The following SNX30 variants were observed in gnomAD, a reference collection of about 807,000 sequenced individuals.
SNX30 encodes the protein sorting nexin family member 30, also known as sorting nexin-30.
Under a neutral mutation model 46.4 loss-of-function variants are expected in SNX30, and 24 were observed. The observed-to-expected ratio is 0.52, with a 90% confidence interval of 0.37 to 0.73. The LOEUF is 0.73. Among genes scored for constraint, SNX30 ranks in the 30% least tolerant of loss-of-function variants. The pLI is 0.00. For synonymous variants in SNX30, 189 were observed against 211.5 expected (o/e 0.89, Z 0.92); for missense variants, 533 against 555.7 (o/e 0.96, Z 0.41).
At chr9:112,792,334 A>G (rs1453059401) in intron 1 of SNX30, among the ~76,000 whole-genome samples, 1 of 152,226 alleles carries the variant, frequency 6.6e-6, no homozygotes, top group East Asian at 1.9e-4. Context: ...ATTTGTTGGC[A>G]TAGTTATTCA....
At position 112,868,792 on chromosome 9, in the gene SNX30, G is replaced by A. The variant is rs745800308; in HGVS notation, c.1263G>A (p.Met421Ile). The A allele has an allele frequency of 1.3e-5, 21 of 1,613,918 alleles. No homozygotes were observed. The highest frequency in any genetic ancestry group is 1.5e-5 in the Non-Finnish European group (18 of 1,179,930). ...KNIQYYEKCLMAWESIIPLLQ... is the reference protein window; with the variant it reads ...KNIQYYEKCLIAWESIIPLLQ... ...GTATGTTGTCGTTCCAGTGCCTCAT[G>A]GCGTGGGAGTCGATTATTCCACTAC... is the stretch of plus-strand genomic sequence containing the variant. Residue 421 changes from methionine to isoleucine, a missense_variant, in exon 9 of 9, where the codon ATG becomes ATA. Physicochemically the swap from Met to Ile is conservative, Grantham distance 10. Transcript: ENST00000374232.
At chr9:112,885,586 A>G (rs1449447688), downstream of SNX30, 2 of 152,188 alleles carry the variant, frequency 1.3e-5, no homozygotes, top group African/African-American at 4.8e-5. Flanking sequence ...CATGTGGGTT[A>G]CTGAATACTT....
At chr9:112,774,617 T>C (rs1287787733) in intron 1 of SNX30, among the ~76,000 whole-genome samples, 3 of 152,152 alleles carry the variant, frequency 2.0e-5, no homozygotes, top group East Asian at 3.9e-4. Context: ...TTGTCAAGAC[T>C]TGGTATTGTC....
In SNX30 at chr9:112,751,123, C is replaced by A; in HGVS notation, c.122C>A (p.Pro41Gln). ...EAVGGDSTPS[P>Q]DLLMARSFGD... ...GTGGGTGGTGACAGCACGCCCAGCCCGGACCTGCTGATGGCCCGCAGCTTC... is the reference window on the plus strand; with the variant it reads ...GTGGGTGGTGACAGCACGCCCAGCCAGGACCTGCTGATGGCCCGCAGCTTC... Residue 41 changes from proline (P) to glutamine (Q), a missense_variant, in exon 1 of 9, where the codon CCG (proline) becomes CAG (glutamine). By Grantham distance (76) the Pro-to-Gln change is moderately conservative. Transcript: ENST00000374232. The A allele has an allele frequency of 6.6e-7, 1 of 1,513,696 alleles. No individual in the cohort carries two copies. Among genetic ancestry groups the A allele is most frequent in the Non-Finnish European group, 8.8e-7 (1 of 1,139,414 alleles). 93.8% of individuals were successfully genotyped at this position (1,513,696 alleles called of 1,614,324 possible).
At position 112,756,435 on chromosome 9, in the gene SNX30, CTTTTTTTTTTTTTTTTTT is replaced by C. The variant is rs61338659; in HGVS notation, c.156+5288_156+5305del. 7.4e-5 allele frequency among the ~76,000 whole-genome samples: 5 copies of C among 67,430 alleles called. No individual in the cohort carries two copies. The South Asian group carries it at 2.9e-3, about 40-fold the overall frequency. 44.2% of individuals were successfully genotyped at this position (67,430 alleles called of 152,430 possible). On this transcript the variant is annotated intron_variant, in intron 1 of 8. Transcript: ENST00000374232. ...CTTGACCTCCTTATCTGTAATCATC[CTTTTTTTTTTTTTTTTTT>C]TTTTTTTTTGGGATGGAGTCTTGCC...
intron 6 of SNX30, among the ~76,000 whole-genome samples, chr9:112,841,565 A>G (rs1840859972): frequency 6.6e-6 from 1 of 152,252 alleles, no homozygotes; most frequent in Admixed American, 6.5e-5. Context: ...TATCCCCGAT[A>G]GTAGCTGAGC....
chr9:112,809,635 A>G (rs772740923), intron 2 of SNX30, among the ~76,000 whole-genome samples: 18 of 152,074 alleles, frequency 1.2e-4, no homozygotes, highest in Non-Finnish European at 2.5e-4. Context: ...TGGTCAACAG[A>G]GTCTAAATGC....
chr9:112,761,494 A>G (rs1839435637), intron 1 of SNX30, among the ~76,000 whole-genome samples: 1 of 152,130 alleles, frequency 6.6e-6, no homozygotes, highest in Non-Finnish European at 1.5e-5. Context: ...GGGATGTGTG[A>G]TCAGGGCTTG....
At chr9:112,761,555 G>C (rs1036049615) in intron 1 of SNX30, among the ~76,000 whole-genome samples, 7 of 152,276 alleles carry the variant, frequency 4.6e-5, no homozygotes, top group African/African-American at 1.7e-4. Context: ...GAATTAACCT[G>C]GTTTTGGTTG....
intron 1 of SNX30, among the ~76,000 whole-genome samples, chr9:112,794,238 C>T (rs1193178973): frequency 2.6e-5 from 4 of 152,124 alleles, no homozygotes; most frequent in African/African-American, 9.6e-5. Flanking sequence ...CTGCACCCGC[C>T]GCCTCCCAAG....
intron 1 of SNX30, among the ~76,000 whole-genome samples, chr9:112,753,467 TC>T (rs1273786506): frequency 6.6e-6 from 1 of 152,196 alleles, no homozygotes. Context: ...CACTGCAACC[TC>T]CACCTCCCTG....
intron 7 of SNX30, among the ~76,000 whole-genome samples, chr9:112,853,304 C>T (rs1368900017): frequency 6.6e-6 from 1 of 152,206 alleles, no homozygotes; most frequent in Non-Finnish European, 1.5e-5. Context: ...AGCCTTTTTC[C>T]ATCCTGTGTG....
chr9:112,859,102 G>A (rs1409109924), intron 7 of SNX30, among the ~76,000 whole-genome samples: 14 of 151,792 alleles, frequency 9.2e-5, no homozygotes, highest in East Asian at 7.8e-4. Context: ...CCCTCCTGCC[G>A]GCCTCTAGAA....
intron 4 of SNX30, among the ~76,000 whole-genome samples, chr9:112,834,559 A>T (rs1226879187): frequency 1.3e-5 from 2 of 152,132 alleles, no homozygotes; most frequent in Non-Finnish European, 2.9e-5. Context: ...AGGAAACTCC[A>T]CATGTTCAGC....
At chr9:112,844,782 C>T (rs1476325420) in intron 6 of SNX30, among the ~76,000 whole-genome samples, 1 of 152,174 alleles carries the variant, frequency 6.6e-6, no homozygotes, top group Non-Finnish European at 1.5e-5. Context: ...TACAACATTC[C>T]GGGTTAGTCC....
intron 1 of SNX30, among the ~76,000 whole-genome samples, chr9:112,785,643 C>T (rs2131380499): frequency 6.6e-6 from 1 of 152,206 alleles, no homozygotes. Flanking sequence ...CTTGGCTTTC[C>T]AAAGTGCTGG....
intron 7 of SNX30, 36 bp from the exon 8 acceptor site, chr9:112,864,211 G>A (rs1158183099): frequency 1.2e-6 from 2 of 1,610,236 alleles, no homozygotes; most frequent in African/African-American, 2.7e-5. Flanking sequence ...TGCCAGTTTT[G>A]TGTGCAGGGC....
chr9:112,822,319 G>A (rs1161939837), intron 3 of SNX30, among the ~76,000 whole-genome samples: 1 of 152,098 alleles, frequency 6.6e-6, no homozygotes, highest in Admixed American at 6.5e-5. Flanking sequence ...TCTTCATTAT[G>A]TAATAGTTGG....
chr9:112,829,732 T>G (rs1025798347), intron 3 of SNX30, among the ~76,000 whole-genome samples: 1 of 152,230 alleles, frequency 6.6e-6, no homozygotes, highest in African/African-American at 2.4e-5. Flanking sequence ...ATGTTCTGAT[T>G]TCTCCACATC....
Sources: gnomAD v4.1 joint callset for allele counts (sites outside exome capture counted in the v4.1 genomes callset) on GRCh38, gnomAD v4.1.1 for gene constraint, MANE v1.5 for transcripts, NCBI Gene and HGNC (gene_info 2026-07-23, HGNC 2026-07-21) for gene names.